The following FGF1 variants were observed in gnomAD, a reference collection of about 807,000 sequenced individuals.
FGF1 encodes beta-endothelial cell growth factor.
A neutral mutation model predicts 13.4 loss-of-function variants in FGF1; 9 were observed. The ratio of observed to expected loss-of-function variants is 0.67; its 90% CI spans 0.40 to 1.17. The LOEUF is 1.17. Among genes scored for constraint, FGF1 ranks in the 50% most tolerant of loss-of-function variants. The probability of loss-of-function intolerance (pLI) is 0.01; values close to 1 mark genes in which losing one functional copy is unlikely to be tolerated. For missense variants in FGF1, 156 were observed against 192.7 expected, an observed-to-expected ratio of 0.81 and a Z score of 1.13; for synonymous variants, 93 against 79.0, an observed-to-expected ratio of 1.18 and a Z score of -0.94.
chr5:142,647,427 C>T (rs1026943774), intron 1 of FGF1, among the ~76,000 whole-genome samples: 3 of 152,136 alleles, frequency 2.0e-5, no homozygotes, highest in African/African-American at 7.2e-5. Context: ...AAGTTCTCAC[C>T]ACCGCGTTGA....
intron 2 of FGF1, among the ~76,000 whole-genome samples, chr5:142,606,242 G>GTGTGTGTGTGTA (rs144232060): frequency 1.4e-5 from 2 of 148,024 alleles, no homozygotes; most frequent in East Asian, 2.0e-4. Context: ...GTGTGTGTGT[G>GTGTGTGTGTGTA]TGTATGTAGT....
At position 142,595,189 on chromosome 5, in the gene FGF1, G is replaced by T; in HGVS notation, c.*101C>A. On this transcript the variant is annotated 3_prime_UTR_variant, in exon 4 of 4. Coordinates refer to ENST00000337706, the MANE Select transcript of FGF1 (RefSeq NM_000800.5). ...CTTACAAATTCAGGCTCTGTGGGCTGGGGGTTAGCGCAGCCAATGGTCAAG... is the reference window on the plus strand; with the variant it reads ...CTTACAAATTCAGGCTCTGTGGGCTTGGGGTTAGCGCAGCCAATGGTCAAG... 1 of 930,364 alleles carries T rather than the reference G, an allele frequency of 1.1e-6. No individual in the cohort carries two copies. Among genetic ancestry groups the T allele is most frequent in the Non-Finnish European group, 1.6e-6 (1 of 607,278 alleles). 57.6% of individuals were successfully genotyped at this position (930,364 alleles called of 1,614,324 possible). A position where few individuals can be genotyped will look rare whatever the true frequency, so the allele number is the denominator to read the frequency against.
chr5:142,669,845 TG>T (rs1771112799), intron 1 of FGF1, among the ~76,000 whole-genome samples: 1 of 152,090 alleles, frequency 6.6e-6, no homozygotes, highest in African/African-American at 2.4e-5. Context: ...GCAGCCACCC[TG>T]GGGGTCACTC....
chr5:142,601,931 T>C (rs1400811892), intron 2 of FGF1, among the ~76,000 whole-genome samples: 2 of 152,214 alleles, frequency 1.3e-5, no homozygotes, highest in Non-Finnish European at 1.5e-5. Context: ...CATTTGGGAA[T>C]TGGAATTAAT....
chr5:142,694,568 T>C (rs2152073496), intron 2 of FGF1, among the ~76,000 whole-genome samples: 1 of 152,288 alleles, frequency 6.6e-6, no homozygotes, highest in East Asian at 1.9e-4. Flanking sequence ...GATTTTGGTG[T>C]TCTTTGAGAT....
intron 1 of FGF1, among the ~76,000 whole-genome samples, chr5:142,679,173 C>A (rs1000652315): frequency 1.3e-5 from 2 of 152,148 alleles, no homozygotes; most frequent in South Asian, 2.1e-4. Context: ...ACAGTCTGAC[C>A]CCGCCTGCTT....
At chr5:142,664,771 C>T (rs900338950) in intron 1 of FGF1, among the ~76,000 whole-genome samples, 4 of 152,150 alleles carry the variant, frequency 2.6e-5, no homozygotes, top group Non-Finnish European at 4.4e-5. Context: ...GGAGCCTGGG[C>T]TCTGGAGTCA....
At chr5:142,617,690 T>C (rs1419908242) in intron 1 of FGF1, among the ~76,000 whole-genome samples, 1 of 152,142 alleles carries the variant, frequency 6.6e-6, no homozygotes, top group Non-Finnish European at 1.5e-5. Flanking sequence ...GGAGTCAACA[T>C]GAAACTGACA....
rs1403758969 is a variant in FGF1 at position 142,592,978 on chromosome 5, T to C, written c.*2312A>G. On this transcript the variant is annotated 3_prime_UTR_variant, in exon 4 of 4. Transcript: ENST00000337706. ...CAAACCAGACAGACAAGGTCCCCAG[T>C]ATCCAGTACAGTGCCTAGCACACAG... 2.0e-5 allele frequency: 3 copies of C among 152,250 alleles called. No individual in the cohort carries two copies. The highest frequency in any genetic ancestry group is 4.4e-5 in the Non-Finnish European group (3 of 68,074). 9.4% of individuals were successfully genotyped at this position (152,250 alleles called of 1,614,324 possible). A position where few individuals can be genotyped will look rare whatever the true frequency, so the allele number is the denominator to read the frequency against.
At chr5:142,607,233 C>T (rs753467539) in intron 2 of FGF1, among the ~76,000 whole-genome samples, 6 of 152,104 alleles carry the variant, frequency 3.9e-5, no homozygotes, top group East Asian at 1.9e-4. Flanking sequence ...GGAGGCAGGA[C>T]GGGTGGATGA....
upstream of FGF1, among the ~76,000 whole-genome samples, chr5:142,686,737 G>C (rs1314656618): frequency 6.6e-6 from 1 of 152,140 alleles, no homozygotes; most frequent in African/African-American, 2.4e-5. Context: ...GGCATTTTAC[G>C]AAGTCAATCG....
intron 1 of FGF1, among the ~76,000 whole-genome samples, chr5:142,647,010 C>A (rs73279660): frequency 0.014 from 2,086 of 152,228 alleles, 36 homozygotes; most frequent in African/African-American, 0.043. Context: ...GTTTTCAGCA[C>A]CCAATACCAG....
intron 2 of FGF1, among the ~76,000 whole-genome samples, chr5:142,601,408 C>A (rs1396917798): frequency 5.9e-5 from 9 of 152,166 alleles, no homozygotes; most frequent in South Asian, 2.1e-4. Flanking sequence ...GGGGAACTCC[C>A]TCACAATGAA....
At position 142,614,042 on chromosome 5, in the gene FGF1, AG is replaced by A. The variant is rs768289176; in HGVS notation, c.85del (p.Leu29SerfsTer10). ...PPGNYKKPKL[L>X]YCSNGGHFLR... ...GAAGTGGCCCCCGTTGCTACAGTAG[AG>A]GAGTTTGGGCTTCTTGTAATTCCCT... On this transcript the variant is annotated frameshift_variant, in exon 2 of 4. Coordinates refer to ENST00000337706, the MANE Select transcript of FGF1 (RefSeq NM_000800.5). LOFTEE classifies it high-confidence loss of function. The A allele has an allele frequency of 2.5e-6, 4 of 1,613,998 alleles. 1 individual carries two copies. The African/African-American group carries it at 5.3e-5, about 22-fold the overall frequency.
chr5:142,604,933 G>A (rs562696384), intron 2 of FGF1, among the ~76,000 whole-genome samples: 1 of 152,232 alleles, frequency 6.6e-6, no homozygotes, highest in South Asian at 2.1e-4. Flanking sequence ...GATGGTGGGT[G>A]GCCATCCAGG....
At chr5:142,627,485 C>T (rs1423186782) in intron 1 of FGF1, among the ~76,000 whole-genome samples, 1 of 152,206 alleles carries the variant, frequency 6.6e-6, no homozygotes, top group East Asian at 1.9e-4. Flanking sequence ...AATATCCCGG[C>T]ATCTCTGGAA....
chr5:142,687,741 G>C (rs997634559), upstream of FGF1, among the ~76,000 whole-genome samples: 6 of 152,132 alleles, frequency 3.9e-5, no homozygotes, highest in Admixed American at 1.3e-4. Context: ...AAATCCTAAG[G>C]ACAGAGATGC....
intron 1 of FGF1, among the ~76,000 whole-genome samples, chr5:142,675,199 G>A (rs1210871050): frequency 6.6e-6 from 1 of 152,180 alleles, no homozygotes; most frequent in Non-Finnish European, 1.5e-5. Flanking sequence ...GGAAGCCTTA[G>A]GGAGGGTCAT....
intron 3 of FGF1, among the ~76,000 whole-genome samples, chr5:142,596,127 A>G (rs1755187667): frequency 6.6e-6 from 1 of 152,262 alleles, no homozygotes; most frequent in South Asian, 2.1e-4. Context: ...ATTTTTTAAA[A>G]TGAAAATAGC....
Sources: gnomAD v4.1 joint callset for allele counts (sites outside exome capture counted in the v4.1 genomes callset) on GRCh38, gnomAD v4.1.1 for gene constraint, MANE v1.5 for transcripts, NCBI Gene and HGNC (gene_info 2026-07-23, HGNC 2026-07-21) for gene names.